ELMO1: variants seen among roughly 807,000 people sequenced by gnomAD.
ELMO1 encodes the protein engulfment and cell motility protein 1.
In ELMO1, 26 loss-of-function variants were observed where a neutral mutation model predicts 98.9. The observed-to-expected ratio is 0.26, with a 90% CI of 0.19 to 0.36. The LOEUF (loss-of-function observed/expected upper bound fraction) is 0.36, where lower values mean the gene tolerates loss of function less well. Among genes scored for constraint, ELMO1 ranks in the 10% least tolerant of loss-of-function variants. The probability of loss-of-function intolerance (pLI) is 1.00; values close to 1 mark genes in which losing one functional copy is unlikely to be tolerated. For synonymous variants in ELMO1, 346 were observed against 346.0 expected (o/e 1.00, Z 0.00); for missense variants, 627 against 935.2 (o/e 0.67, Z 4.30).
At chr7:36,913,797 T>C (rs1232020821) in intron 16 of ELMO1, among the ~76,000 whole-genome samples, 1 of 152,202 alleles carries the variant, frequency 6.6e-6, no homozygotes, top group African/African-American at 2.4e-5. Context: ...TACTGACTTG[T>C]GCTGATAACA....
chr7:37,077,151 A>ATAC lies in ELMO1; in HGVS notation c.1300+19465_1300+19467dup, dbSNP rs902926119. 2.0e-5 allele frequency among the ~76,000 whole-genome samples: 3 copies of ATAC among 152,350 alleles called. No homozygotes were observed. In the East Asian group the frequency reaches 5.8e-4, roughly 29 times the overall value. On this transcript the variant is annotated intron_variant, in intron 15 of 21. Coordinates refer to ENST00000310758, the MANE Select transcript of ELMO1 (RefSeq NM_014800.11). Reference sequence around the variant, plus strand: ...TTATACTAGAATTGGGATGGAACTGATACTAATTATGGGGCAGATGGAGCT... The same window carrying ATAC: ...TTATACTAGAATTGGGATGGAACTGATACTACTAATTATGGGGCAGATGGAGCT...
intron 4 of ELMO1, among the ~76,000 whole-genome samples, chr7:37,314,256 T>C (rs1039711852): frequency 4.6e-5 from 7 of 152,180 alleles, no homozygotes; most frequent in Admixed American, 4.6e-4. Context: ...GCATGCAGTA[T>C]GCACTCAATA....
intron 5 of ELMO1, chr7:37,271,282 C>T (rs1381660434): frequency 6.5e-6 from 1 of 153,004 alleles, no homozygotes; most frequent in Non-Finnish European, 1.5e-5. Flanking sequence ...AGGAAAGTAA[C>T]TGACTTTGGT....
chr7:36,936,331 C>T (rs147955103), intron 16 of ELMO1, among the ~76,000 whole-genome samples: 2 of 152,314 alleles, frequency 1.3e-5, no homozygotes, highest in African/African-American at 2.4e-5. Context: ...AAAGCTGCCA[C>T]ACAGAGGAGG....
chr7:36,895,844 T>C (rs1805957135), intron 16 of ELMO1, among the ~76,000 whole-genome samples: 1 of 152,204 alleles, frequency 6.6e-6, no homozygotes, highest in African/African-American at 2.4e-5. Flanking sequence ...GTGATACCAT[T>C]TATAGGTATC....
intron 1 of ELMO1, among the ~76,000 whole-genome samples, chr7:37,344,049 T>TTTTTTTTTTTATTTTTTCTTTTTTTCCCA (rs397942199): frequency 6.6e-6 from 1 of 151,128 alleles, no homozygotes; most frequent in African/African-American, 2.4e-5. Context: ...TTTTTTTTTT[T>TTTTTTTTTTTATTTTTTCTTTTTTTCCCA]GAGACAGAGT....
At chr7:37,172,146 ACT>A (rs1179921370) in intron 13 of ELMO1, among the ~76,000 whole-genome samples, 1 of 152,072 alleles carries the variant, frequency 6.6e-6, no homozygotes, top group Non-Finnish European at 1.5e-5. Context: ...GAGTGAGTAC[ACT>A]CTCTGGAGGA....
intron 5 of ELMO1, among the ~76,000 whole-genome samples, chr7:37,263,791 G>T (rs1170145665): frequency 3.3e-5 from 5 of 152,170 alleles, no homozygotes; most frequent in East Asian, 1.9e-4. Flanking sequence ...AGGCCAGGGG[G>T]TGTGGAGGGA....
chr7:36,960,654 T>C (rs1338867169), intron 16 of ELMO1, among the ~76,000 whole-genome samples: 1 of 151,828 alleles, frequency 6.6e-6, no homozygotes, highest in Non-Finnish European at 1.5e-5. Flanking sequence ...ATGACACTTC[T>C]ATGACCAGAC....
chr7:37,074,946 G>A (rs1797484415), intron 15 of ELMO1, among the ~76,000 whole-genome samples: 1 of 152,120 alleles, frequency 6.6e-6, no homozygotes, highest in Non-Finnish European at 1.5e-5. Flanking sequence ...GCTTGAATGG[G>A]GGTGAATGAC....
intron 10 of ELMO1, among the ~76,000 whole-genome samples, chr7:37,218,278 C>A (rs1386569597): frequency 6.6e-6 from 1 of 152,042 alleles, no homozygotes; most frequent in African/African-American, 2.4e-5. Context: ...CAATGTATGT[C>A]CAACTTCTAC....
intron 2 of ELMO1, among the ~76,000 whole-genome samples, chr7:37,339,576 A>G (rs1449068641): frequency 6.6e-6 from 1 of 152,184 alleles, no homozygotes; most frequent in Non-Finnish European, 1.5e-5. Context: ...AGAAAACCCA[A>G]GTAATAATCA....
chr7:37,238,341 T>G lies in ELMO1; in HGVS notation c.450-5147A>C, dbSNP rs188611438. On this transcript the variant is annotated intron_variant, in intron 7 of 21. Transcript: ENST00000310758. The stretch of plus-strand genomic sequence containing the variant: ...GATTTTGATACTTTATAAGTGGAAA[T>G]TTTAAAATGTCATTTTCCAATGGTT... Among the ~76,000 whole-genome samples the G allele has an allele frequency of 1.4e-4, 21 of 152,338 alleles. 1 individual carries two copies. In the East Asian group the frequency reaches 3.7e-3, roughly 27 times the overall value.
intron 13 of ELMO1, among the ~76,000 whole-genome samples, chr7:37,178,034 C>T (rs1790588736): frequency 6.6e-6 from 1 of 151,918 alleles, no homozygotes; most frequent in African/African-American, 2.4e-5. Context: ...GGCCAAGGAA[C>T]ACCCAGATAG....
chr7:36,886,568 C>G (rs1649864463), intron 18 of ELMO1, among the ~76,000 whole-genome samples: 2 of 152,182 alleles, frequency 1.3e-5, no homozygotes, highest in Admixed American at 1.3e-4. Context: ...GCTGCTAATG[C>G]CTGTGCTTGC....
intron 1 of ELMO1, among the ~76,000 whole-genome samples, chr7:37,387,195 A>G (rs1055333772): frequency 6.6e-6 from 1 of 152,258 alleles, no homozygotes; most frequent in African/African-American, 2.4e-5. Flanking sequence ...AGTCTGAGGT[A>G]CTAAACTCAA....
At chr7:37,201,775 T>A (rs1310812977) in intron 13 of ELMO1, among the ~76,000 whole-genome samples, 4 of 152,246 alleles carry the variant, frequency 2.6e-5, no homozygotes, top group Admixed American at 6.5e-5. Context: ...ATCTGGTGGC[T>A]ATTTCTGCTC....
In ELMO1 at chr7:37,086,743, CAAAAAAAAA is replaced by C. The variant is rs755237121; in HGVS notation, c.1300+9867_1300+9875del. Among the ~76,000 whole-genome samples the C allele has an allele frequency of 3.2e-3, 156 of 48,820 alleles. 1 individual carries two copies. Among genetic ancestry groups the C allele is most frequent in the African/African-American group, 0.011 (149 of 14,048 alleles). 32.0% of individuals were successfully genotyped at this position (48,820 alleles called of 152,430 possible). A position where few individuals can be genotyped will look rare whatever the true frequency, so the allele number is the denominator to read the frequency against. On this transcript the variant is annotated intron_variant, in intron 15 of 21. Transcript: ENST00000310758. ...GGGCAACAGAGTGAGATCCTGTCTC[CAAAAAAAAA>C]AAAAAAAAAAAAAGAAATCTTTGAA...
Position 37,050,511 on chromosome 7 carries a change from G to A in ELMO1, c.1301-37076C>T, listed in dbSNP as rs79888159. ...ACAACAACTCTGCAAGGGAGTGCAC[G>A]CAAATCTGGGGACCTAAAAAACAGC... On this transcript the variant is annotated intron_variant, in intron 15 of 21. Transcript: ENST00000310758. Among the ~76,000 whole-genome samples, 1,291 of 152,008 alleles carry A rather than the reference G, an allele frequency of 8.5e-3. 7 individuals are homozygous for A. The highest frequency in any genetic ancestry group is 0.013 in the Non-Finnish European group (892 of 67,976).
Sources: allele counts gnomAD v4.1 joint callset (sites outside exome capture counted in the v4.1 genomes callset), GRCh38; gene constraint gnomAD v4.1.1; transcripts MANE v1.5; gene names NCBI Gene and HGNC (gene_info 2026-07-23, HGNC 2026-07-21).